PRKCH: variants seen among roughly 807,000 people sequenced by gnomAD.
PRKCH encodes the protein protein kinase C eta.
PRKCH carries 28 observed loss-of-function variants against 82.5 expected under a neutral mutation model. That is an observed-to-expected ratio of 0.34 (90% confidence interval 0.25 to 0.47). The LOEUF (loss-of-function observed/expected upper bound fraction) is 0.47. PRKCH is among the 20% of genes least tolerant of loss of function. PRKCH has a pLI of 1.00. For missense variants in PRKCH, 705 were observed against 881.8 expected (o/e 0.80, Z 2.54); for synonymous variants, 322 against 327.4 (o/e 0.98, Z 0.18).
intron 2 of PRKCH, among the ~76,000 whole-genome samples, chr14:61,415,720 G>GTA (rs1397063103): frequency 6.6e-6 from 1 of 152,124 alleles, no homozygotes; most frequent in Non-Finnish European, 1.5e-5. Context: ...ATTTGTAAGT[G>GTA]TATAGTCCAG....
At chr14:61,517,689 A>G (rs745464821) in intron 10 of PRKCH, among the ~76,000 whole-genome samples, 26 of 152,250 alleles carry the variant, frequency 1.7e-4, no homozygotes, top group Non-Finnish European at 3.7e-4. Context: ...CATGTGTCCA[A>G]CATAAAGCTA....
intron 1 of PRKCH, among the ~76,000 whole-genome samples, chr14:61,386,073 C>T (rs1484895498): frequency 6.6e-6 from 1 of 152,202 alleles, no homozygotes; most frequent in Admixed American, 6.5e-5. Flanking sequence ...ATAATTTTGA[C>T]TATATTCCCC....
chr14:61,194,958 T>G (rs1415545952), intron 1 of PRKCH, among the ~76,000 whole-genome samples: 2 of 152,202 alleles, frequency 1.3e-5, no homozygotes, highest in African/African-American at 4.8e-5. Context: ...GGTCTCGAAC[T>G]CCTGACCTCA....
intron 10 of PRKCH, among the ~76,000 whole-genome samples, chr14:61,506,467 G>A (rs988003177): frequency 1.5e-4 from 23 of 152,072 alleles, no homozygotes; most frequent in African/African-American, 5.6e-4. Context: ...GTGCAATGCT[G>A]GCCCTCCTGA....
At chr14:61,212,566 T>A (rs1224045580) in intron 1 of PRKCH, among the ~76,000 whole-genome samples, 1 of 152,240 alleles carries the variant, frequency 6.6e-6, no homozygotes, top group Non-Finnish European at 1.5e-5. Flanking sequence ...CTTATGTCTG[T>A]CTGTCTCCTT....
chr14:61,484,405 C>G (rs556785982), intron 9 of PRKCH, among the ~76,000 whole-genome samples: 2 of 150,454 alleles, frequency 1.3e-5, no homozygotes, highest in East Asian at 3.9e-4. Flanking sequence ...TCAGCACCAG[C>G]TAATCAGGAA....
intron 9 of PRKCH, among the ~76,000 whole-genome samples, chr14:61,462,406 AAAAG>A (rs1364443244): frequency 3.3e-5 from 5 of 152,228 alleles, no homozygotes; most frequent in African/African-American, 1.2e-4. Flanking sequence ...GAAAAGAAAA[AAAAG>A]CAGCAAAGGA....
chr14:61,470,248 A>G (rs1885439523), intron 9 of PRKCH, among the ~76,000 whole-genome samples: 1 of 151,860 alleles, frequency 6.6e-6, no homozygotes, highest in Admixed American at 6.6e-5. Context: ...GGTCACTATT[A>G]TAGGGGTTGG....
At chr14:61,247,324 A>G (rs1309081601) in intron 1 of PRKCH, among the ~76,000 whole-genome samples, 3 of 151,906 alleles carry the variant, frequency 2.0e-5, no homozygotes, top group Non-Finnish European at 2.9e-5. Flanking sequence ...CATTATTGTT[A>G]CTAGGTTTCT....
chr14:61,347,626 G>A (rs2046013371), intron 1 of PRKCH, among the ~76,000 whole-genome samples: 1 of 152,228 alleles, frequency 6.6e-6, no homozygotes, highest in Non-Finnish European at 1.5e-5. Flanking sequence ...TGTGAGACAA[G>A]ACACTTAATG....
At chr14:61,232,609 C>G (rs1051030099) in intron 1 of PRKCH, among the ~76,000 whole-genome samples, 2 of 152,286 alleles carry the variant, frequency 1.3e-5, no homozygotes, top group Admixed American at 6.5e-5. Flanking sequence ...GAGCTTCTGT[C>G]CCCTTAGAGT....
At chr14:61,252,996 G>A (rs1046725417) in intron 1 of PRKCH, among the ~76,000 whole-genome samples, 3 of 152,196 alleles carry the variant, frequency 2.0e-5, no homozygotes, top group Admixed American at 2.0e-4. Flanking sequence ...GCAAACAAGC[G>A]CTGCTCGGCC....
At chr14:61,462,093 G>T (rs1405957915) in intron 9 of PRKCH, among the ~76,000 whole-genome samples, 1 of 152,184 alleles carries the variant, frequency 6.6e-6, no homozygotes, top group African/African-American at 2.4e-5. Flanking sequence ...AAATGATAAA[G>T]AAGTAGTGGG....
At chr14:61,378,980 A>G (rs1008619596) in intron 1 of PRKCH, among the ~76,000 whole-genome samples, 15 of 152,132 alleles carry the variant, frequency 9.9e-5, no homozygotes, top group African/African-American at 3.1e-4. Flanking sequence ...GGGATCTGAC[A>G]TGTAGGTATG....
At position 61,366,047 on chromosome 14, in the gene PRKCH, A is replaced by T. The variant is rs2046293050; in HGVS notation, c.364-25178A>T. 7.2e-5 allele frequency among the ~76,000 whole-genome samples: 11 copies of T among 152,180 alleles called. No homozygotes were observed. In the South Asian group the frequency reaches 2.3e-3, roughly 32 times the overall value. Reference sequence around the variant, plus strand: ...CCACTTATGCCTTACCTTGTGCCTCAATTTCCCAATCTGTATAACATAATG... The same window carrying T: ...CCACTTATGCCTTACCTTGTGCCTCTATTTCCCAATCTGTATAACATAATG... On this transcript the variant is annotated intron_variant, in intron 1 of 13. Coordinates refer to ENST00000332981, the MANE Select transcript of PRKCH (RefSeq NM_006255.5).
chr14:61,305,398 G>A (rs1769781479), intron 1 of PRKCH: 1 of 151,912 alleles, frequency 6.6e-6, no homozygotes, highest in African/African-American at 2.4e-5. Flanking sequence ...GCTCAGGCTG[G>A]TCTTGAACTC....
At chr14:61,241,722 T>C (rs2044839883) in intron 1 of PRKCH, among the ~76,000 whole-genome samples, 1 of 152,202 alleles carries the variant, frequency 6.6e-6, no homozygotes, top group South Asian at 2.1e-4. Flanking sequence ...GTTCAGAGTC[T>C]AGGTTTTGGA....
chr14:61,265,118 T>C (rs750280382), intron 1 of PRKCH, among the ~76,000 whole-genome samples: 1 of 152,204 alleles, frequency 6.6e-6, no homozygotes, highest in Non-Finnish European at 1.5e-5. Flanking sequence ...TTTCAAATTC[T>C]CAGTGGAAAA....
intron 2 of PRKCH, among the ~76,000 whole-genome samples, chr14:61,425,952 C>A (rs1258184614): frequency 6.6e-6 from 1 of 152,230 alleles, no homozygotes; most frequent in African/African-American, 2.4e-5. Context: ...CACACACTCT[C>A]TGTCTCACCT....
Sources: gnomAD v4.1 joint callset for allele counts (sites outside exome capture counted in the v4.1 genomes callset) on GRCh38, gnomAD v4.1.1 for gene constraint, MANE v1.5 for transcripts, NCBI Gene and HGNC (gene_info 2026-07-23, HGNC 2026-07-21) for gene names.